The following PRKN variants were observed in gnomAD, a reference collection of about 807,000 sequenced individuals.
PRKN encodes the protein E3 ubiquitin-protein ligase parkin.
Under a neutral mutation model 59.5 loss-of-function variants are expected in PRKN, and 56 were observed. That is an observed-to-expected ratio of 0.94 (90% CI 0.76 to 1.18). The LOEUF (loss-of-function observed/expected upper bound fraction) is 1.18. PRKN is among the 50% of genes most tolerant of loss of function. The probability of loss-of-function intolerance (pLI) is 0.00; values close to 1 mark genes in which losing one functional copy is unlikely to be tolerated. For missense variants in PRKN, 657 were observed against 596.4 expected (o/e 1.10, Z -1.06); for synonymous variants, 250 against 222.1 (o/e 1.13, Z -1.12).
chr6:162,716,786 G>GCACACACACACGCGCACA (rs1384080984), intron 1 of PRKN, among the ~76,000 whole-genome samples: 1 of 148,730 alleles, frequency 6.7e-6, no homozygotes, highest in African/African-American at 2.5e-5. Flanking sequence ...ACACACACGC[G>GCACACACACACGCGCACA]CACACACACA....
chr6:162,382,000 A>G (rs985624682), intron 2 of PRKN, among the ~76,000 whole-genome samples: 6 of 152,180 alleles, frequency 3.9e-5, no homozygotes, highest in Admixed American at 6.5e-5. Context: ...CGTGGGTCAC[A>G]CTTAGGGGGT....
At chr6:162,586,016 T>C (rs1018374203) in intron 1 of PRKN, among the ~76,000 whole-genome samples, 2 of 152,184 alleles carry the variant, frequency 1.3e-5, no homozygotes, top group Non-Finnish European at 2.9e-5. Flanking sequence ...ATTTACATTA[T>C]TTAACACATC....
Position 162,483,456 on chromosome 6 carries a change from G to A in PRKN, c.8-39983C>T, listed in dbSNP as rs541061731. ...TATATTTAAAAATTTGGAGGGAGGT[G>A]TAGGAAGCTGAGAAGCATCAGACTG... On this transcript the variant is annotated intron_variant, in intron 1 of 11. Coordinates refer to ENST00000366898, the MANE Select transcript of PRKN (RefSeq NM_004562.3). 1.1e-4 allele frequency among the ~76,000 whole-genome samples: 17 copies of A among 152,146 alleles called. No individual in the cohort carries two copies. In the South Asian group the frequency reaches 2.9e-3, roughly 26 times the overall value.
intron 6 of PRKN, among the ~76,000 whole-genome samples, chr6:161,876,099 C>T (rs1411569872): frequency 6.6e-6 from 1 of 152,126 alleles, no homozygotes; most frequent in African/African-American, 2.4e-5. Flanking sequence ...TGCTGAAAGA[C>T]ACATATCTTA....
intron 1 of PRKN, among the ~76,000 whole-genome samples, chr6:162,630,502 G>T (rs1448671358): frequency 1.3e-5 from 2 of 152,076 alleles, no homozygotes; most frequent in Non-Finnish European, 2.9e-5. Flanking sequence ...TGTGCCAGAG[G>T]TAATCATTAT....
At chr6:161,595,216 CGTT>C (rs763399870) in intron 7 of PRKN, among the ~76,000 whole-genome samples, 1 of 152,152 alleles carries the variant, frequency 6.6e-6, no homozygotes, top group Non-Finnish European at 1.5e-5. Context: ...TCAAAGAACA[CGTT>C]GTCAGTGTTC....
chr6:162,045,753 G>A (rs574797394), intron 5 of PRKN, among the ~76,000 whole-genome samples: 5 of 152,284 alleles, frequency 3.3e-5, no homozygotes, highest in South Asian at 4.1e-4. Flanking sequence ...CCTGCTGGAA[G>A]GACTAGGAGG....
At position 161,874,758 on chromosome 6, in the gene PRKN, T is replaced by TAAA. The variant is rs1226404205; in HGVS notation, c.735-88851_735-88850insTTT. 1.3e-3 allele frequency among the ~76,000 whole-genome samples: 162 copies of TAAA among 121,794 alleles called. 6 individuals carry two copies. The highest frequency in any genetic ancestry group is 6.6e-3 in the South Asian group (25 of 3,812). The allele number at this position is 121,794 out of a possible 152,430, so 79.9% of individuals were successfully genotyped here. ...TACTATATATAAAATATATAATATATATAAAATATATAATATATAAAATGT... is the reference window on the plus strand; with the variant it reads ...TACTATATATAAAATATATAATATATAAAATAAAATATATAATATATAAAATGT... On this transcript the variant is annotated intron_variant, in intron 6 of 11. Transcript: ENST00000366898.
chr6:162,277,519 T>A (rs1308590247), intron 2 of PRKN, among the ~76,000 whole-genome samples: 1 of 152,198 alleles, frequency 6.6e-6, no homozygotes, highest in Non-Finnish European at 1.5e-5. Flanking sequence ...CTGAATGTGA[T>A]CTGTATATTT....
intron 7 of PRKN, among the ~76,000 whole-genome samples, chr6:161,649,613 T>C (rs763373231): frequency 2.6e-5 from 4 of 152,216 alleles, no homozygotes; most frequent in Non-Finnish European, 4.4e-5. Flanking sequence ...GAGACTTTTG[T>C]GTTTTATTTC....
chr6:161,748,791 T>C (rs16893004), intron 7 of PRKN, among the ~76,000 whole-genome samples: 15,118 of 152,228 alleles, frequency 0.099, 836 homozygotes, highest in African/African-American at 0.14. Flanking sequence ...CTAAGAGAAT[T>C]TCCCTTATGC....
chr6:162,549,298 T>C (rs1159501023), intron 1 of PRKN, among the ~76,000 whole-genome samples: 1 of 152,200 alleles, frequency 6.6e-6, no homozygotes, highest in Non-Finnish European at 1.5e-5. Flanking sequence ...CTGCTGTTTA[T>C]AAGCCGTCTA....
chr6:162,193,706 C>A (rs1184969353), intron 4 of PRKN, among the ~76,000 whole-genome samples: 2 of 152,164 alleles, frequency 1.3e-5, no homozygotes, highest in African/African-American at 2.4e-5. Flanking sequence ...TCACCAAAGG[C>A]TGATTCACTG....
intron 3 of PRKN, among the ~76,000 whole-genome samples, chr6:162,233,824 A>T (rs1778524954): frequency 6.6e-6 from 1 of 152,188 alleles, no homozygotes; most frequent in Non-Finnish European, 1.5e-5. Context: ...GAAGAGAAGG[A>T]GATACGAATG....
chr6:161,801,256 A>G (rs769577586), intron 6 of PRKN, among the ~76,000 whole-genome samples: 11 of 152,184 alleles, frequency 7.2e-5, no homozygotes, highest in Non-Finnish European at 1.5e-4. Context: ...GACACAGTAC[A>G]GTGACTGGAG....
At chr6:162,086,744 T>TA (rs1467904873) in intron 4 of PRKN, among the ~76,000 whole-genome samples, 1 of 152,210 alleles carries the variant, frequency 6.6e-6, no homozygotes, top group East Asian at 1.9e-4. Context: ...TTCTCCTTAG[T>TA]AGCATTTATC....
intron 6 of PRKN, among the ~76,000 whole-genome samples, chr6:161,885,676 A>G (rs1297416578): frequency 6.6e-6 from 1 of 151,922 alleles, no homozygotes; most frequent in Non-Finnish European, 1.5e-5. Flanking sequence ...AAAAAAAAAA[A>G]AAAAAAAGAA....
intron 4 of PRKN, among the ~76,000 whole-genome samples, chr6:162,128,687 A>G (rs1028407633): frequency 6.6e-6 from 1 of 152,196 alleles, no homozygotes; most frequent in Admixed American, 6.6e-5. Context: ...CCTAATCCCC[A>G]ATGTGATAGC....
chr6:162,014,244 G>C (rs1481728679), intron 5 of PRKN, among the ~76,000 whole-genome samples: 1 of 152,196 alleles, frequency 6.6e-6, no homozygotes, highest in Non-Finnish European at 1.5e-5. Flanking sequence ...CGGAGCATGG[G>C]CAGTTGAGCA....
Sources: gnomAD v4.1 joint callset for allele counts (sites outside exome capture counted in the v4.1 genomes callset) on GRCh38, gnomAD v4.1.1 for gene constraint, MANE v1.5 for transcripts, NCBI Gene and HGNC (gene_info 2026-07-23, HGNC 2026-07-21) for gene names.